The following DOCK8 variants were observed in gnomAD, a reference collection of about 807,000 sequenced individuals.
DOCK8 encodes the protein dedicator of cytokinesis 8.
DOCK8 carries 141 observed loss-of-function variants against 245.6 expected under a neutral mutation model. The ratio of observed to expected loss-of-function variants is 0.57; its 90% CI spans 0.50 to 0.66. The LOEUF (loss-of-function observed/expected upper bound fraction) is 0.66. DOCK8 is among the 30% of genes least tolerant of loss of function. The pLI is 0.00. For synonymous variants in DOCK8, 1,168 were observed against 970.2 expected, an observed-to-expected ratio of 1.20 and a Z score of -3.79; for missense variants, 2,965 against 2,603.4, an observed-to-expected ratio of 1.14 and a Z score of -3.02.
At chr9:341,226 T>C (rs2051572783) in intron 14 of DOCK8, among the ~76,000 whole-genome samples, 1 of 152,230 alleles carries the variant, frequency 6.6e-6, no homozygotes, top group African/African-American at 2.4e-5. Flanking sequence ...ATGTGTCTAC[T>C]ATATTGGAGA....
At chr9:434,677 T>C in intron 38 of DOCK8, 106 bp from the exon 39 acceptor site, 2 of 1,168,504 alleles carry the variant, frequency 1.7e-6, no homozygotes, top group Non-Finnish European at 2.5e-6. Context: ...GGTGGAGGGG[T>C]ACAGGGAACT....
chr9:323,900 C>T (rs1161604242), intron 7 of DOCK8, among the ~76,000 whole-genome samples: 1 of 152,194 alleles, frequency 6.6e-6, no homozygotes, highest in African/African-American at 2.4e-5. Flanking sequence ...GTTATGGCCT[C>T]ATATATGTAT....
intron 1 of DOCK8, among the ~76,000 whole-genome samples, chr9:230,719 A>G (rs1406483640): frequency 1.3e-5 from 2 of 151,296 alleles, no homozygotes; most frequent in African/African-American, 4.9e-5. Context: ...GTGTTTGTTC[A>G]TATCCTTCGC....
intron 5 of DOCK8, among the ~76,000 whole-genome samples, chr9:305,408 A>C (rs951625608): frequency 2.0e-5 from 3 of 148,598 alleles, no homozygotes; most frequent in East Asian, 3.9e-4. Flanking sequence ...TCAGCCTCCC[A>C]GGTAGCTGGG....
intron 1 of DOCK8, among the ~76,000 whole-genome samples, chr9:259,631 G>T (rs528479537): frequency 7.2e-5 from 11 of 152,290 alleles, no homozygotes; most frequent in Admixed American, 7.2e-4. Flanking sequence ...AGAGCCCTGT[G>T]TCATGTAAGC....
intron 4 of DOCK8, among the ~76,000 whole-genome samples, chr9:297,564 C>G (rs183256775): frequency 3.9e-4 from 59 of 152,270 alleles, no homozygotes; most frequent in African/African-American, 1.4e-3. Context: ...AGGAACTTGG[C>G]TTTATTTGAC....
chr9:229,785 A>G (rs1038765420), intron 1 of DOCK8, among the ~76,000 whole-genome samples: 2 of 152,140 alleles, frequency 1.3e-5, no homozygotes, highest in African/African-American at 2.4e-5. Flanking sequence ...GATCACCCCT[A>G]TATCAATTAG....
At chr9:460,412 T>C (rs1297097527) in intron 46 of DOCK8, 2 of 152,232 alleles carry the variant, frequency 1.3e-5, no homozygotes, top group Non-Finnish European at 2.9e-5. Flanking sequence ...AGCCTGCCAA[T>C]GTTATAAACT....
intron 28 of DOCK8, among the ~76,000 whole-genome samples, chr9:410,291 T>C (rs1454087171): frequency 1.3e-5 from 2 of 152,226 alleles, no homozygotes; most frequent in African/African-American, 4.8e-5. Context: ...CTATTCTGAC[T>C]CTTATTATTA....
chr9:247,721 T>C (rs2047539018), intron 1 of DOCK8, among the ~76,000 whole-genome samples: 1 of 151,994 alleles, frequency 6.6e-6, no homozygotes, highest in South Asian at 2.1e-4. Context: ...TTTTTTTTAG[T>C]AGAGACGGGG....
intron 3 of DOCK8, 150 bp downstream of exon 3, chr9:286,786 A>G: frequency 1.2e-6 from 1 of 811,014 alleles, no homozygotes; most frequent in Non-Finnish European, 2.0e-6. Flanking sequence ...TGATATCATC[A>G]TGTAAGTATA....
At chr9:227,515 C>G (rs554665306) in intron 1 of DOCK8, among the ~76,000 whole-genome samples, 3 of 152,114 alleles carry the variant, frequency 2.0e-5, no homozygotes, top group Admixed American at 1.3e-4. Context: ...ATCCTGCATC[C>G]TGGAGTAAAG....
chr9:450,587 C>G (rs150681541), intron 45 of DOCK8, among the ~76,000 whole-genome samples: 174 of 152,272 alleles, frequency 1.1e-3, no homozygotes, highest in Non-Finnish European at 1.9e-3. Context: ...GTCCACACTT[C>G]CACGGCAGTT....
intron 26 of DOCK8, among the ~76,000 whole-genome samples, chr9:403,992 G>GTATATATATATATA (rs1210095258): frequency 1.5e-5 from 1 of 68,470 alleles, no homozygotes; most frequent in East Asian, 4.5e-4. Flanking sequence ...ATATATATAT[G>GTATATATATATATA]TGTATATATA....
intron 46 of DOCK8, chr9:459,931 C>G (rs983860351): frequency 6.6e-6 from 1 of 152,304 alleles, no homozygotes; most frequent in African/African-American, 2.4e-5. Flanking sequence ...TCACACAGTA[C>G]CACCTCCACC....
At chr9:215,310 G>A (rs1374634885) in intron 1 of DOCK8, 1 of 1,605,220 alleles carries the variant, frequency 6.2e-7, no homozygotes, top group Non-Finnish European at 8.5e-7. Flanking sequence ...CGCCCGCTCC[G>A]CCCTCCAGGT....
At chr9:348,975 G>A (rs1373250851) in intron 14 of DOCK8, among the ~76,000 whole-genome samples, 1 of 152,190 alleles carries the variant, frequency 6.6e-6, no homozygotes, top group Admixed American at 6.5e-5. Flanking sequence ...TCTCCTTAAT[G>A]GATGTCCTGT....
At position 325,327 on chromosome 9, in the gene DOCK8, G is replaced by A. The variant is rs573930794; in HGVS notation, c.828-344G>A. 6.3e-4 allele frequency among the ~76,000 whole-genome samples: 96 copies of A among 152,232 alleles called. 1 individual carries two copies. The highest frequency in any genetic ancestry group is 5.9e-4 in the Admixed American group (9 of 15,282). On this transcript the variant is annotated intron_variant, in intron 7 of 47. Transcript: ENST00000432829. ...ACAAGTCCATTACCTCAGACAGAAA[G>A]TCTACCCTCTGAAAACACAGTAGTT...
chr9:227,213 A>G (rs907434331), intron 1 of DOCK8, among the ~76,000 whole-genome samples: 1 of 152,244 alleles, frequency 6.6e-6, no homozygotes, highest in African/African-American at 2.4e-5. Context: ...CAAGATTTCC[A>G]TCCTGGTCAA....
Sources: allele counts gnomAD v4.1 joint callset (sites outside exome capture counted in the v4.1 genomes callset), GRCh38; gene constraint gnomAD v4.1.1; transcripts MANE v1.5; gene names NCBI Gene and HGNC (gene_info 2026-07-23, HGNC 2026-07-21).